ASH1L: variants seen among roughly 807,000 people sequenced by gnomAD.
ASH1L encodes the protein histone-lysine N-methyltransferase ASH1L.
A neutral mutation model predicts 269.0 loss-of-function variants in ASH1L; 23 were observed. The observed-to-expected ratio is 0.09, with a 90% CI of 0.06 to 0.12. ASH1L has a LOEUF of 0.12. ASH1L is among the 10% of genes least tolerant of loss of function. ASH1L has a pLI of 1.00. For synonymous variants in ASH1L, 1,187 were observed against 1,253.5 expected (o/e 0.95, Z 1.12); for missense variants, 2,912 against 3,567.8 (o/e 0.82, Z 4.68).
At chr1:155,444,458 T>C (rs1662844234) in intron 4 of ASH1L, among the ~76,000 whole-genome samples, 1 of 152,200 alleles carries the variant, frequency 6.6e-6, no homozygotes, top group Non-Finnish European at 1.5e-5. Context: ...CATTTATAAA[T>C]TTAATTTGCA....
chr1:155,352,610 GC>G, intron 17 of ASH1L, 95 bp downstream of exon 17: 1 of 1,282,254 alleles, frequency 7.8e-7, no homozygotes, highest in Non-Finnish European at 1.0e-6. Flanking sequence ...TCTGAGACTA[GC>G]CTGGGCAATA....
In ASH1L at chr1:155,562,231, T is replaced by G. The variant is rs1469350107; in HGVS notation, c.-178A>C. The stretch of plus-strand genomic sequence containing the variant: ...GAAGAGGGGGTGGCCGCCAGGCTCC[T>G]CCGCTTCCCTGGGTCCACGGCGGAT... On this transcript the variant is annotated 5_prime_UTR_variant, in exon 1 of 28. Coordinates refer to ENST00000392403, the MANE Select transcript of ASH1L (RefSeq NM_018489.3). 1 of 1,609,906 alleles carries G rather than the reference T, an allele frequency of 6.2e-7. No individual in the cohort carries two copies. Among genetic ancestry groups the G allele is most frequent in the African/African-American group, 1.3e-5 (1 of 74,972 alleles).
chr1:155,527,530 CCTTTT>C (rs1258457623), intron 1 of ASH1L, among the ~76,000 whole-genome samples: 2 of 137,934 alleles, frequency 1.4e-5, no homozygotes, highest in Non-Finnish European at 1.5e-5. Context: ...TTACGGGATA[CCTTTT>C]TTTTTTTTTT....
chr1:155,509,262 TTGATCCCCAGGA>T lies in ASH1L; in HGVS notation c.420+11826_420+11837del, dbSNP rs1026628198. ...TGCCAGGCTGGGACAGGAAGATAGC[TTGATCCCCAGGA>T]TGATCCCCAGGAGTTCAAGGTTACA... On this transcript the variant is annotated intron_variant, in intron 2 of 27. Transcript: ENST00000392403. 2.0e-4 allele frequency among the ~76,000 whole-genome samples: 31 copies of T among 152,196 alleles called. No homozygotes were observed. In the East Asian group the frequency reaches 2.5e-3, roughly 12 times the overall value.
At chr1:155,476,881 GAATAAT>G (rs1027099480) in intron 3 of ASH1L, among the ~76,000 whole-genome samples, 5 of 151,620 alleles carry the variant, frequency 3.3e-5, no homozygotes, top group Admixed American at 6.6e-5. Flanking sequence ...TCTTTTAGGG[GAATAAT>G]AATAATAACT....
At chr1:155,419,630 A>C (rs1660508682) in intron 5 of ASH1L, 1 of 152,252 alleles carries the variant, frequency 6.6e-6, no homozygotes, top group Non-Finnish European at 1.5e-5. Context: ...TAAAATAAAC[A>C]TAAGCAAATG....
At chr1:155,424,741 CTT>C (rs1190441261) in intron 5 of ASH1L, among the ~76,000 whole-genome samples, 4 of 152,096 alleles carry the variant, frequency 2.6e-5, no homozygotes, top group South Asian at 2.1e-4. Flanking sequence ...TGCTGTATGT[CTT>C]TGTTTACATT....
At chr1:155,562,988 A>C, upstream of ASH1L, 1 of 456,242 alleles carries the variant, frequency 2.2e-6, no homozygotes, top group Non-Finnish European at 4.4e-6. Flanking sequence ...CAGGGGCAGG[A>C]GAGGAAGGGA....
intron 10 of ASH1L, among the ~76,000 whole-genome samples, chr1:155,375,645 C>A (rs1656367302): frequency 6.6e-6 from 1 of 152,050 alleles, no homozygotes; most frequent in South Asian, 2.1e-4. Flanking sequence ...AAATTATTAG[C>A]CGGGTGCAGT....
intron 12 of ASH1L, among the ~76,000 whole-genome samples, chr1:155,365,372 A>ATTTTTTTTTTTTTTT (rs142145021): frequency 1.6e-5 from 2 of 124,236 alleles, no homozygotes; most frequent in African/African-American, 3.2e-5. Flanking sequence ...TGCCCGGCTG[A>ATTTTTTTTTTTTTTT]TTTTTTTTTT....
intron 27 of ASH1L, 99 bp downstream of exon 27, chr1:155,337,990 A>G: frequency 1.6e-6 from 2 of 1,280,452 alleles, no homozygotes; most frequent in Non-Finnish European, 1.1e-6. Flanking sequence ...CCATTTTCTT[A>G]GAATACTTTG....
chr1:155,477,344 T>G (rs1202912541), intron 3 of ASH1L, among the ~76,000 whole-genome samples: 1 of 152,236 alleles, frequency 6.6e-6, no homozygotes, highest in Non-Finnish European at 1.5e-5. Flanking sequence ...AAATGAAGTC[T>G]GTCTGAATGA....
At chr1:155,387,435 G>A (rs535036754) in intron 7 of ASH1L, among the ~76,000 whole-genome samples, 4 of 152,244 alleles carry the variant, frequency 2.6e-5, no homozygotes, top group South Asian at 2.1e-4. Flanking sequence ...TAAAGATCAC[G>A]CAGTTGTAGG....
At chr1:155,345,026 G>A (rs947336408) in intron 21 of ASH1L, among the ~76,000 whole-genome samples, 1 of 151,740 alleles carries the variant, frequency 6.6e-6, no homozygotes, top group Non-Finnish European at 1.5e-5. Flanking sequence ...GTGCGATCTC[G>A]ACCCACTGCA....
Position 155,481,282 on chromosome 1 carries a change from G to C in ASH1L, c.1588C>G (p.Pro530Ala). Reference protein sequence around the residue: ...EKQPPVYCTSPDFKMGGASDV... With the variant: ...EKQPPVYCTSADFKMGGASDV... ...GAAGCACCTCCCATTTTAAAGTCCG[G>C]AGAAGTGCAATATACAGGAGGCTGC... The change falls in exon 3 of 28, where the codon CCG becomes GCG. Residue 530 changes from proline (P) to alanine (A), a missense_variant. Transcript: ENST00000392403. 2 of 1,614,096 alleles carry C rather than the reference G, an allele frequency of 1.2e-6. No homozygotes were observed. The highest frequency in any genetic ancestry group is 8.5e-7 in the Non-Finnish European group (1 of 1,179,992).
intron 1 of ASH1L, among the ~76,000 whole-genome samples, chr1:155,526,401 T>C (rs1489349876): frequency 6.6e-6 from 1 of 152,216 alleles, no homozygotes; most frequent in Non-Finnish European, 1.5e-5. Context: ...TACTAAAATA[T>C]CCTAATTTCA....
intron 2 of ASH1L, among the ~76,000 whole-genome samples, chr1:155,510,958 G>A (rs957183533): frequency 6.6e-6 from 1 of 151,948 alleles, no homozygotes; most frequent in Non-Finnish European, 1.5e-5. Context: ...AACAAATCTA[G>A]AAATTGACAG....
intron 1 of ASH1L, among the ~76,000 whole-genome samples, chr1:155,535,015 CTT>C (rs1235266942): frequency 6.6e-5 from 10 of 152,092 alleles, no homozygotes; most frequent in Non-Finnish European, 7.4e-5. Flanking sequence ...CAGTGAAACT[CTT>C]TTCTCTACTA....
At chr1:155,432,813 G>A (rs1026707048) in intron 5 of ASH1L, among the ~76,000 whole-genome samples, 2 of 152,138 alleles carry the variant, frequency 1.3e-5, no homozygotes, top group Non-Finnish European at 2.9e-5. Context: ...TAGGCTCACT[G>A]CAACCTCTGC....
Sources: allele counts gnomAD v4.1 joint callset (sites outside exome capture counted in the v4.1 genomes callset), GRCh38; gene constraint gnomAD v4.1.1; transcripts MANE v1.5; gene names NCBI Gene and HGNC (gene_info 2026-07-23, HGNC 2026-07-21).